Variants in ATG7 observed in about 807,000 individuals in gnomAD.
ATG7 encodes ubiquitin-like modifier-activating enzyme ATG7.
ATG7 carries 70 observed loss-of-function variants against 82.4 expected under a neutral mutation model. The observed-to-expected ratio is 0.85, with a 90% CI of 0.70 to 1.04. ATG7 has a LOEUF of 1.04. Ranked by LOEUF, ATG7 falls within the 50% of genes least tolerant of loss-of-function variation. The pLI is 0.00. For synonymous variants in ATG7, 287 were observed against 313.0 expected, an observed-to-expected ratio of 0.92 and a Z score of 0.88; for missense variants, 792 against 864.3, an observed-to-expected ratio of 0.92 and a Z score of 1.05.
intron 19 of ATG7, 151 bp downstream of exon 19, chr3:11,380,203 A>T: frequency 1.5e-6 from 1 of 670,338 alleles, no homozygotes; most frequent in Non-Finnish European, 2.6e-6. Context: ...CTTTGTTTTC[A>T]TGGATCTGTA....
chr3:11,560,612 G>A (rs901921789), downstream of ATG7, among the ~76,000 whole-genome samples: 2 of 152,214 alleles, frequency 1.3e-5, no homozygotes, highest in South Asian at 2.1e-4. Context: ...ATGAAAATGT[G>A]GATCCACAAG....
chr3:11,509,198 A>G (rs189735982), intron 20 of ATG7, among the ~76,000 whole-genome samples: 14 of 152,348 alleles, frequency 9.2e-5, no homozygotes, highest in African/African-American at 2.9e-4. Context: ...CACATGGCCA[A>G]CAGCTTTTAG....
intron 20 of ATG7, among the ~76,000 whole-genome samples, chr3:11,538,212 G>A (rs564185870): frequency 3.2e-4 from 48 of 152,304 alleles, no homozygotes; most frequent in African/African-American, 1.1e-3. Context: ...CGAGGGCCTC[G>A]TGGCAGGCTG....
At chr3:11,285,591 A>G (rs1025685140) in intron 3 of ATG7, among the ~76,000 whole-genome samples, 3 of 152,138 alleles carry the variant, frequency 2.0e-5, no homozygotes, top group African/African-American at 7.2e-5. Context: ...AAGATACAGA[A>G]TATTTCCATC....
In ATG7 at chr3:11,502,086, A is replaced by G. The variant is rs114823205; in HGVS notation, c.2080-52725A>G. On this transcript the variant is annotated intron_variant, in intron 20 of 20. Transcript: ENST00000693202. Reference sequence around the variant, plus strand: ...TTTGCTGTCATGTAAAATAACAGTAACATATGTCATTTATGTGATATATGC... The same window carrying G: ...TTTGCTGTCATGTAAAATAACAGTAGCATATGTCATTTATGTGATATATGC... 7.1e-3 allele frequency among the ~76,000 whole-genome samples: 1,084 copies of G among 152,240 alleles called. 15 individuals are homozygous for G. The highest frequency in any genetic ancestry group is 0.024 in the African/African-American group (999 of 41,542).
intron 1 of ATG7, among the ~76,000 whole-genome samples, chr3:11,280,052 CT>C (rs564180940): frequency 7.8e-4 from 111 of 141,816 alleles, no homozygotes; most frequent in Middle Eastern, 3.7e-3. Context: ...CTTTTCTTTT[CT>C]TTTTTTTTTT....
intron 20 of ATG7, among the ~76,000 whole-genome samples, chr3:11,432,377 CAA>C (rs1314753585): frequency 3.9e-5 from 6 of 152,014 alleles, no homozygotes; most frequent in Non-Finnish European, 7.4e-5. Context: ...TTATTAATCT[CAA>C]GTTATAGATT....
intron 20 of ATG7, among the ~76,000 whole-genome samples, chr3:11,463,317 C>G (rs950668554): frequency 6.6e-6 from 1 of 152,184 alleles, no homozygotes; most frequent in African/African-American, 2.4e-5. Context: ...CAGAAGAGGC[C>G]TCCCTTCAAA....
chr3:11,456,691 G>A (rs2085753764), intron 20 of ATG7, among the ~76,000 whole-genome samples: 2 of 152,150 alleles, frequency 1.3e-5, no homozygotes, highest in African/African-American at 2.4e-5. Context: ...CGACCACTGT[G>A]TCTAACAAAA....
rs115277572 is a variant in ATG7, at chr3:11,494,246, G to A, written c.2080-60565G>A. ...AATGAAACTACATGCAGGAAAACAG[G>A]AATTAGGGAGGGGTAAGGAAGAGGA... On this transcript the variant is annotated intron_variant, in intron 20 of 20. Coordinates refer to ENST00000693202, the MANE Select transcript of ATG7 (RefSeq NM_001349232.2). 5.0e-3 allele frequency among the ~76,000 whole-genome samples: 755 copies of A among 152,304 alleles called. 3 individuals are homozygous for A. Among genetic ancestry groups the A allele is most frequent in the Non-Finnish European group, 8.2e-3 (555 of 68,028 alleles).
At chr3:11,442,808 C>A (rs894096110) in intron 20 of ATG7, among the ~76,000 whole-genome samples, 14 of 146,294 alleles carry the variant, frequency 9.6e-5, no homozygotes, top group African/African-American at 3.5e-4. Context: ...GTAGTCCCAG[C>A]TACTTGGGAG....
At chr3:11,479,203 A>G (rs2153029278) in intron 20 of ATG7, among the ~76,000 whole-genome samples, 1 of 152,338 alleles carries the variant, frequency 6.6e-6, no homozygotes, top group Non-Finnish European at 1.5e-5. Flanking sequence ...GCACATAGTA[A>G]ATAAAACAGT....
chr3:11,410,808 C>T (rs1031327195), intron 19 of ATG7, among the ~76,000 whole-genome samples: 1 of 152,126 alleles, frequency 6.6e-6, no homozygotes, highest in Non-Finnish European at 1.5e-5. Context: ...TCCATTCATC[C>T]ATGGATGGAC....
At chr3:11,348,098 G>A (rs1221773135) in intron 14 of ATG7, 63 bp downstream of exon 14, 4 of 1,527,672 alleles carry the variant, frequency 2.6e-6, no homozygotes, top group Non-Finnish European at 3.5e-6. Flanking sequence ...CTTGGGAAAT[G>A]AGGCCTGTGG....
chr3:11,381,221 A>C (rs1053793469), intron 19 of ATG7, among the ~76,000 whole-genome samples: 1 of 152,214 alleles, frequency 6.6e-6, no homozygotes, highest in African/African-American at 2.4e-5. Context: ...TCAAGCCAGG[A>C]CCTCAAGGAT....
intron 9 of ATG7, among the ~76,000 whole-genome samples, chr3:11,318,941 A>C (rs1412622597): frequency 6.6e-6 from 1 of 152,096 alleles, no homozygotes; most frequent in Non-Finnish European, 1.5e-5. Context: ...CCTCCTTCCT[A>C]GCACTGACTA....
chr3:11,431,747 T>TA (rs2082911047), intron 20 of ATG7, among the ~76,000 whole-genome samples: 1 of 152,246 alleles, frequency 6.6e-6, no homozygotes. Flanking sequence ...TCAATGCTAT[T>TA]ACAATTTTCC....
chr3:11,361,700 CT>C (rs2076296942), intron 16 of ATG7, among the ~76,000 whole-genome samples: 1 of 152,158 alleles, frequency 6.6e-6, no homozygotes, highest in Admixed American at 6.5e-5. Flanking sequence ...CCTAGCAATG[CT>C]AATAGAGGAG....
In ATG7 at chr3:11,303,885, A is replaced by G. The variant is rs1947244084; in HGVS notation, c.216-3058A>G. Among the ~76,000 whole-genome samples the G allele has an allele frequency of 2.1e-5, 3 of 145,356 alleles. No homozygotes were observed. The Admixed American group carries it at 2.1e-4, about 10-fold the overall frequency. On this transcript the variant is annotated intron_variant, in intron 5 of 20. Coordinates refer to ENST00000693202, the MANE Select transcript of ATG7 (RefSeq NM_001349232.2). ...GTCAGGGATCGAGACCATCCTGGTT[A>G]ACACGGTGAAACCCCGTCTCTACTA...
Sources: gnomAD v4.1 joint callset for allele counts (sites outside exome capture counted in the v4.1 genomes callset) on GRCh38, gnomAD v4.1.1 for gene constraint, MANE v1.5 for transcripts, NCBI Gene and HGNC (gene_info 2026-07-23, HGNC 2026-07-21) for gene names.